Variants in FAM168B observed in about 807,000 individuals in gnomAD.
The protein encoded by FAM168B is family with sequence similarity 168 member B, also known as myelin-associated neurite-outgrowth inhibitor.
Under a neutral mutation model 21.8 loss-of-function variants are expected in FAM168B, and 19 were observed. The ratio of observed to expected loss-of-function variants is 0.87; its 90% CI spans 0.61 to 1.28. FAM168B has a LOEUF of 1.28. Among genes scored for constraint, FAM168B ranks in the 50% most tolerant of loss-of-function variants. FAM168B has a pLI of 0.00. For synonymous variants in FAM168B, 126 were observed against 104.8 expected, an observed-to-expected ratio of 1.20 and a Z score of -1.24; for missense variants, 233 against 263.1, an observed-to-expected ratio of 0.89 and a Z score of 0.79.
At position 131,058,297 on chromosome 2, in the gene FAM168B, C is replaced by T. The variant is rs79408418; in HGVS notation, c.155-2602G>A. On this transcript the variant is annotated intron_variant, in intron 3 of 6. Coordinates refer to ENST00000389915, the MANE Select transcript of FAM168B (RefSeq NM_001009993.4). Reference sequence around the variant, plus strand: ...TGGGCTTTTTCACCTAAATACTGCACACTGTATCAATTAAGCAACACGAAG... The same window carrying T: ...TGGGCTTTTTCACCTAAATACTGCATACTGTATCAATTAAGCAACACGAAG... Among the ~76,000 whole-genome samples the T allele has an allele frequency of 6.5e-3, 990 of 152,206 alleles. 35 individuals carry two copies. Among genetic ancestry groups the T allele is most frequent in the Admixed American group, 0.047 (714 of 15,280 alleles).
chr2:131,086,389 AC>A (rs1488932433), intron 1 of FAM168B, among the ~76,000 whole-genome samples: 2 of 152,194 alleles, frequency 1.3e-5, no homozygotes, highest in Admixed American at 1.3e-4. Flanking sequence ...GCGCTGTCCA[AC>A]AGAACTGTTC....
chr2:131,088,667 G>C (rs1474778563), intron 1 of FAM168B, among the ~76,000 whole-genome samples: 1 of 152,094 alleles, frequency 6.6e-6, no homozygotes, highest in Non-Finnish European at 1.5e-5. Context: ...AGTATATAAA[G>C]TCGAAAATGA....
chr2:131,051,221 T>C lies in FAM168B; in HGVS notation c.*1244A>G, dbSNP rs1573739366. The C allele has an allele frequency of 1.0e-6, 1 of 984,680 alleles. No homozygotes were observed. The highest frequency in any genetic ancestry group is 1.2e-6 in the Non-Finnish European group (1 of 829,794). The allele number at this position is 984,680 out of a possible 1,614,324, so 61.0% of individuals were successfully genotyped here. On this transcript the variant is annotated 3_prime_UTR_variant, in exon 7 of 7. Transcript: ENST00000389915. ...CCTCGCCCCATCTCTAAGCGTCCCCTCCAGCCGGCCTCAGCAGACAAGTCA... is the reference window on the plus strand; with the variant it reads ...CCTCGCCCCATCTCTAAGCGTCCCCCCCAGCCGGCCTCAGCAGACAAGTCA...
chr2:131,050,168 T>A lies in FAM168B; in HGVS notation c.*2297A>T. On this transcript the variant is annotated 3_prime_UTR_variant, in exon 7 of 7. Transcript: ENST00000389915. The stretch of plus-strand genomic sequence containing the variant: ...CCACTCTTTAAAACACCATCCTGTG[T>A]GTGCCAAGTACCAAGCAAGCCTGAA... 1 of 985,476 alleles carries A rather than the reference T, an allele frequency of 1.0e-6. No individual in the cohort carries two copies. The highest frequency in any genetic ancestry group is 1.2e-6 in the Non-Finnish European group (1 of 829,940). 61.0% of individuals were successfully genotyped at this position (985,476 alleles called of 1,614,324 possible).
At chr2:131,057,009 C>A (rs1692060130) in intron 3 of FAM168B, among the ~76,000 whole-genome samples, 1 of 152,126 alleles carries the variant, frequency 6.6e-6, no homozygotes, top group Non-Finnish European at 1.5e-5. Flanking sequence ...CCAAACTGTA[C>A]ACTGAGAAGG....
chr2:131,073,672 T>C (rs1331726968), intron 2 of FAM168B, among the ~76,000 whole-genome samples: 1 of 152,182 alleles, frequency 6.6e-6, no homozygotes, highest in Admixed American at 6.5e-5. Flanking sequence ...TGGACTTCCC[T>C]AACCTCCAGA....
chr2:131,056,162 A>C (rs563324801), intron 3 of FAM168B, among the ~76,000 whole-genome samples: 64 of 152,316 alleles, frequency 4.2e-4, no homozygotes, highest in African/African-American at 1.4e-3. Flanking sequence ...GTTGTTTGTT[A>C]CAGCAAAAAC....
At chr2:131,073,923 C>G (rs987912999) in intron 2 of FAM168B, among the ~76,000 whole-genome samples, 3 of 152,290 alleles carry the variant, frequency 2.0e-5, no homozygotes, top group Admixed American at 1.3e-4. Context: ...AAGACTAAAC[C>G]ATGACCTAGT....
At chr2:131,059,361 T>TC (rs1212511297) in intron 3 of FAM168B, among the ~76,000 whole-genome samples, 3 of 152,132 alleles carry the variant, frequency 2.0e-5, no homozygotes, top group Non-Finnish European at 2.9e-5. Flanking sequence ...TCAAGGGTCA[T>TC]CTTGGATAGC....
At chr2:131,055,991 G>A (rs1692002381) in intron 3 of FAM168B, among the ~76,000 whole-genome samples, 1 of 152,226 alleles carries the variant, frequency 6.6e-6, no homozygotes, top group Non-Finnish European at 1.5e-5. Flanking sequence ...GTCTTGTCCT[G>A]CTGGAATTTA....
chr2:131,050,749 C>T lies in FAM168B; in HGVS notation c.*1716G>A. 1.3e-5 allele frequency: 13 copies of T among 985,410 alleles called. No individual in the cohort carries two copies. Among genetic ancestry groups the T allele is most frequent in the Non-Finnish European group, 1.6e-5 (13 of 829,926 alleles). 61.0% of individuals were successfully genotyped at this position (985,410 alleles called of 1,614,324 possible). ...CCCACCAACCAACTGGGGCAGAATG[C>T]TAGTGGGCATCCTCACTGGGCGCCA... On this transcript the variant is annotated 3_prime_UTR_variant, in exon 7 of 7. Transcript: ENST00000389915.
At chr2:131,060,870 G>T (rs1253264610) in intron 3 of FAM168B, among the ~76,000 whole-genome samples, 9 of 148,160 alleles carry the variant, frequency 6.1e-5, no homozygotes, top group Admixed American at 2.0e-4. Flanking sequence ...TTTTTTTTTT[G>T]AGACGGAGTC....
chr2:131,078,863 G>A (rs891665933), intron 2 of FAM168B, among the ~76,000 whole-genome samples: 2 of 151,904 alleles, frequency 1.3e-5, no homozygotes, highest in African/African-American at 4.8e-5. Flanking sequence ...GCGCACACCT[G>A]TAGTCCCAGC....
intron 3 of FAM168B, among the ~76,000 whole-genome samples, chr2:131,069,849 C>T (rs965737588): frequency 2.0e-5 from 3 of 150,456 alleles, no homozygotes; most frequent in Non-Finnish European, 3.0e-5. Flanking sequence ...AAACGACTAA[C>T]CCTCATCAAA....
chr2:131,048,515 C>G lies in FAM168B; in HGVS notation c.*3950G>C, dbSNP rs1691435707. 9.0e-7 allele frequency: 1 copy of G among 1,108,206 alleles called. No homozygotes were observed. Among genetic ancestry groups the G allele is most frequent in the Non-Finnish European group, 1.1e-6 (1 of 890,488 alleles). The allele number at this position is 1,108,206 out of a possible 1,614,324, so 68.6% of individuals were successfully genotyped here. On this transcript the variant is annotated 3_prime_UTR_variant, in exon 7 of 7. Transcript: ENST00000389915. ...AGGCTATCCCCACAGGCTCTCTCTT[C>G]TTCAAATAATGAGTAGGAAAAAGAG...
chr2:131,069,510 T>G (rs6732324), intron 3 of FAM168B, among the ~76,000 whole-genome samples: 25,448 of 151,962 alleles, frequency 0.17, 2,462 homozygotes, highest in African/African-American at 0.28. Flanking sequence ...TTTTTTTTTT[T>G]GGGGACGGAG....
chr2:131,051,993 G>A lies in FAM168B; in HGVS notation c.*472C>T. Reference sequence around the variant, plus strand: ...AAGAATCATCTAAGATATTTCAGATGCTCTATGAAGAAATTCACTTTAACA... The same window carrying A: ...AAGAATCATCTAAGATATTTCAGATACTCTATGAAGAAATTCACTTTAACA... On this transcript the variant is annotated 3_prime_UTR_variant, in exon 7 of 7. Coordinates refer to ENST00000389915, the MANE Select transcript of FAM168B (RefSeq NM_001009993.4). 1 of 985,596 alleles carries A rather than the reference G, an allele frequency of 1.0e-6. No individual in the cohort carries two copies. Among genetic ancestry groups the A allele is most frequent in the Non-Finnish European group, 1.2e-6 (1 of 829,932 alleles). 61.1% of individuals were successfully genotyped at this position (985,596 alleles called of 1,614,324 possible). A position where few individuals can be genotyped will look rare whatever the true frequency, so the allele number is the denominator to read the frequency against.
rs907430000 is a variant in FAM168B, at chr2:131,049,744, G to A, written c.*2721C>T. 8.3e-5 allele frequency: 82 copies of A among 985,734 alleles called. No homozygotes were observed. The highest frequency in any genetic ancestry group is 9.4e-5 in the Non-Finnish European group (78 of 829,952). The allele number at this position is 985,734 out of a possible 1,614,324, so 61.1% of individuals were successfully genotyped here. A position where few individuals can be genotyped will look rare whatever the true frequency, so the allele number is the denominator to read the frequency against. On this transcript the variant is annotated 3_prime_UTR_variant, in exon 7 of 7. Coordinates refer to ENST00000389915, the MANE Select transcript of FAM168B (RefSeq NM_001009993.4). ...TAAAAGAATAGTAATTCAGCTGAAG[G>A]ACTCCCAAATTAGGAATGTCAAACA...
chr2:131,067,739 A>G (rs764614206), intron 3 of FAM168B, among the ~76,000 whole-genome samples: 1 of 152,166 alleles, frequency 6.6e-6, no homozygotes, highest in Non-Finnish European at 1.5e-5. Context: ...ACACACACAC[A>G]CATACACACC....
Sources: gnomAD v4.1 joint callset for allele counts (sites outside exome capture counted in the v4.1 genomes callset) on GRCh38, gnomAD v4.1.1 for gene constraint, MANE v1.5 for transcripts, NCBI Gene and HGNC (gene_info 2026-07-23, HGNC 2026-07-21) for gene names.